PTPN13: variants seen among roughly 807,000 people sequenced by gnomAD.
PTPN13 encodes tyrosine-protein phosphatase non-receptor type 13.
PTPN13 carries 191 observed loss-of-function variants against 284.0 expected under a neutral mutation model. The ratio of observed to expected loss-of-function variants is 0.67; its 90% CI spans 0.60 to 0.76. The LOEUF is 0.76. PTPN13 is among the 30% of genes least tolerant of loss of function. The probability of loss-of-function intolerance (pLI) is 0.00; values close to 1 mark genes in which losing one functional copy is unlikely to be tolerated. For synonymous variants in PTPN13, 986 were observed against 1,022.3 expected, an observed-to-expected ratio of 0.96 and a Z score of 0.68; for missense variants, 2,797 against 2,939.9, an observed-to-expected ratio of 0.95 and a Z score of 1.12.
At chr4:86,642,563 G>A (rs150839329) in intron 2 of PTPN13, among the ~76,000 whole-genome samples, 5,107 of 141,108 alleles carry the variant, frequency 0.036, 270 homozygotes, top group African/African-American at 0.12. Flanking sequence ...AGCGATTTTC[G>A]TGTTTCAGCC....
intron 2 of PTPN13, among the ~76,000 whole-genome samples, chr4:86,649,186 T>G (rs1578333978): frequency 6.6e-6 from 1 of 152,192 alleles, no homozygotes; most frequent in South Asian, 2.1e-4. Context: ...TTTTGTTGTT[T>G]CCTTTCCTAT....
At chr4:86,595,847 G>C in intron 1 of PTPN13, 3 of 708,440 alleles carry the variant, frequency 4.2e-6, no homozygotes, top group Non-Finnish European at 5.2e-6. Context: ...CTAAAGGATG[G>C]GGGGGGGAGT....
At chr4:86,807,525 A>G (rs771293096) in intron 44 of PTPN13, 35 bp from the exon 45 acceptor site, 7 of 1,490,404 alleles carry the variant, frequency 4.7e-6, no homozygotes, top group East Asian at 2.3e-5. Flanking sequence ...AATGCATGAT[A>G]TGGATGGCTC....
Position 86,750,866 on chromosome 4 carries a change from C to T in PTPN13, c.3047C>T (p.Ala1016Val). The change falls in exon 18 of 48, where the codon GCA (alanine) becomes GTA (valine). Residue 1016 changes from alanine (A) to valine (V), a missense_variant. Coordinates refer to ENST00000411767, the MANE Select transcript of PTPN13 (RefSeq NM_080683.3). ...TCAAGATCTGATGCAGAATCTTTGG[C>T]AGGAGTGACAAAACTTAATAAGTAA... ...QMSRSDAESL[A>V]GVTKLNNSKS... 1.2e-6 allele frequency: 2 copies of T among 1,613,310 alleles called. No homozygotes were observed. The highest frequency in any genetic ancestry group is 1.7e-6 in the Non-Finnish European group (2 of 1,179,626).
Position 86,784,494 on chromosome 4 carries a change from G to A in PTPN13, c.6054G>A (p.Ser2018=), listed in dbSNP as rs372940883. 3.5e-4 allele frequency: 554 copies of A among 1,605,318 alleles called. 1 individual carries two copies. Among genetic ancestry groups the A allele is most frequent in the Middle Eastern group, 6.6e-4 (4 of 6,060 alleles). Reference sequence around the variant, plus strand: ...CTGGGGAAGAAATAAATGAAATATCGTACCCCAAAGGAAAATGTTCTACTT... The same window carrying A: ...CTGGGGAAGAAATAAATGAAATATCATACCCCAAAGGAAAATGTTCTACTT... ...TVAGEEINEI[S]YPKGKCSTYQ... is the part of the protein sequence containing the mutation. The change falls in exon 38 of 48, where the codon TCG becomes TCA. Residue 2018 remains serine (S), a synonymous_variant. Transcript: ENST00000411767.
chr4:86,618,766 T>C (rs1720888762), intron 1 of PTPN13, among the ~76,000 whole-genome samples: 1 of 152,230 alleles, frequency 6.6e-6, no homozygotes, highest in South Asian at 2.1e-4. Context: ...GTGATTTTTG[T>C]ACATTGATTT....
intron 5 of PTPN13, chr4:86,689,538 A>G: frequency 1.6e-6 from 1 of 631,648 alleles, no homozygotes; most frequent in Non-Finnish European, 2.8e-6. Context: ...ATTAACATGA[A>G]AATGGGTTTT....
chr4:86,628,266 A>G (rs1357027708), intron 1 of PTPN13, among the ~76,000 whole-genome samples: 1 of 152,096 alleles, frequency 6.6e-6, no homozygotes, highest in South Asian at 2.1e-4. Context: ...AATTTTAGAT[A>G]TCCTCATAGC....
chr4:86,610,582 AAGCTACTATCCACCTTGAG>A lies in PTPN13; in HGVS notation c.-6+15794_-6+15812del, dbSNP rs1171010146. ...AAGAGCTCAGACTAGATAAAGTGGG[AAGCTACTATCCACCTTGAG>A]TGCTGCCACATCTCCTATTTTTCCC... On this transcript the variant is annotated intron_variant, in intron 1 of 47. Transcript: ENST00000411767. 3.1e-4 allele frequency among the ~76,000 whole-genome samples: 47 copies of A among 152,380 alleles called. 1 individual carries two copies. The highest frequency in any genetic ancestry group is 1.1e-3 in the African/African-American group (45 of 41,592).
intron 35 of PTPN13, among the ~76,000 whole-genome samples, chr4:86,778,135 T>G (rs1740864297): frequency 6.6e-6 from 1 of 152,200 alleles, no homozygotes; most frequent in Non-Finnish European, 1.5e-5. Context: ...CCTCTTTTAT[T>G]AAAGTCCATA....
intron 7 of PTPN13, among the ~76,000 whole-genome samples, chr4:86,708,693 TAA>T (rs1732035196): frequency 6.6e-6 from 1 of 152,100 alleles, no homozygotes. Flanking sequence ...ATTTTAAACT[TAA>T]GTGTTTCCTT....
chr4:86,807,880 A>G lies in PTPN13; in HGVS notation c.7066A>G (p.Thr2356Ala), dbSNP rs375572902. 1.1e-5 allele frequency: 18 copies of G among 1,610,410 alleles called. No individual in the cohort carries two copies. The East Asian group carries it at 3.3e-4, about 30-fold the overall frequency. The change falls in exon 45 of 48, where the codon ACC becomes GCC. Residue 2356 changes from threonine to alanine, a missense_variant. Thr to Ala is a moderately conservative substitution (Grantham distance 58). Coordinates refer to ENST00000411767, the MANE Select transcript of PTPN13 (RefSeq NM_080683.3). ...QLKGFVVRAM[T>A]LEDIQTREVR... ...GAAGGGCTTTGTGGTGAGGGCAATG[A>G]CCCTTGAAGATATTCAGGTAAGTGA... is the stretch of plus-strand genomic sequence containing the variant.
intron 15 of PTPN13, among the ~76,000 whole-genome samples, chr4:86,740,376 C>T (rs1013273912): frequency 4.6e-5 from 7 of 152,166 alleles, no homozygotes; most frequent in African/African-American, 1.7e-4. Context: ...GGCTCAACAC[C>T]ATGTGGAAGC....
intron 15 of PTPN13, among the ~76,000 whole-genome samples, chr4:86,738,111 G>A (rs1232527406): frequency 1.3e-5 from 2 of 150,920 alleles, no homozygotes; most frequent in Non-Finnish European, 2.9e-5. Flanking sequence ...GTTTTTCTTT[G>A]TGCAGATACA....
At chr4:86,641,369 G>A (rs1416073233) in intron 2 of PTPN13, among the ~76,000 whole-genome samples, 3 of 151,918 alleles carry the variant, frequency 2.0e-5, no homozygotes, top group African/African-American at 7.3e-5. Flanking sequence ...CGTTGTTCCT[G>A]TTTCTTTTTC....
At chr4:86,670,839 A>G (rs1252221861) in intron 2 of PTPN13, among the ~76,000 whole-genome samples, 1 of 152,204 alleles carries the variant, frequency 6.6e-6, no homozygotes, top group East Asian at 1.9e-4. Flanking sequence ...GCGGCTTTTA[A>G]CAGAAAACTT....
chr4:86,814,309 C>G lies in PTPN13; in HGVS notation c.7363-147C>G, dbSNP rs568018868. 1.9e-4 allele frequency: 101 copies of G among 529,032 alleles called. 1 individual carries two copies. The South Asian group carries it at 2.9e-3, about 15-fold the overall frequency. The allele number at this position is 529,032 out of a possible 1,614,324, so 32.8% of individuals were successfully genotyped here. On this transcript the variant is annotated intron_variant, in intron 47 of 47. Transcript: ENST00000411767. The stretch of plus-strand genomic sequence containing the variant: ...TGTGAGCCACCGCGCCCAGCCTACA[C>G]CCTGTTTCTTGCATTCAACATTCTA...
At chr4:86,632,769 C>T (rs1578293483) in intron 1 of PTPN13, among the ~76,000 whole-genome samples, 1 of 151,810 alleles carries the variant, frequency 6.6e-6, no homozygotes. Flanking sequence ...AACAGCTTTT[C>T]GAGATATACT....
intron 5 of PTPN13, among the ~76,000 whole-genome samples, chr4:86,692,711 T>C (rs966054285): frequency 6.6e-6 from 1 of 152,178 alleles, no homozygotes; most frequent in Non-Finnish European, 1.5e-5. Context: ...ACTTTAAGAT[T>C]ACATTTTGTT....
Sources: gnomAD v4.1 joint callset for allele counts (sites outside exome capture counted in the v4.1 genomes callset) on GRCh38, gnomAD v4.1.1 for gene constraint, MANE v1.5 for transcripts, NCBI Gene and HGNC (gene_info 2026-07-23, HGNC 2026-07-21) for gene names.